Variants in PLD1 observed in about 807,000 individuals in gnomAD.
PLD1 encodes phospholipase D1, also known as choline phosphatase 1.
Under a neutral mutation model 137.1 loss-of-function variants are expected in PLD1, and 112 were observed. That is an observed-to-expected ratio of 0.82 (90% CI 0.70 to 0.96). PLD1 has a LOEUF of 0.96. Ranked by LOEUF, PLD1 falls within the 40% of genes least tolerant of loss-of-function variation. The probability of loss-of-function intolerance (pLI) is 0.00; values close to 1 mark genes in which losing one functional copy is unlikely to be tolerated. For missense variants in PLD1, 1,321 were observed against 1,342.0 expected (o/e 0.98, Z 0.24); for synonymous variants, 431 against 454.7 (o/e 0.95, Z 0.66).
At chr3:171,651,876 A>C (rs566102430) in intron 21 of PLD1, among the ~76,000 whole-genome samples, 1 of 152,278 alleles carries the variant, frequency 6.6e-6, no homozygotes, top group African/African-American at 2.4e-5. Flanking sequence ...GCACATGCTC[A>C]GGCTCAAAAT....
At chr3:171,691,784 G>A (rs1375075708) in intron 13 of PLD1, among the ~76,000 whole-genome samples, 3 of 152,102 alleles carry the variant, frequency 2.0e-5, no homozygotes, top group Admixed American at 6.5e-5. Flanking sequence ...CTGGAGGTTT[G>A]TTAATTCATT....
intron 1 of PLD1, among the ~76,000 whole-genome samples, chr3:171,744,907 G>A (rs1435544761): frequency 6.6e-6 from 1 of 152,214 alleles, no homozygotes; most frequent in Non-Finnish European, 1.5e-5. Flanking sequence ...TTCCAGAAAG[G>A]ACAACCTTGT....
At chr3:171,677,892 T>C (rs1713554227) in intron 16 of PLD1, 198 bp from the exon 17 acceptor site, 1 of 462,196 alleles carries the variant, frequency 2.2e-6, no homozygotes, top group African/African-American at 2.0e-5. Flanking sequence ...AGTGGGCAGT[T>C]AGGGCTACAA....
chr3:171,727,011 C>T lies in PLD1; in HGVS notation c.607-935G>A, dbSNP rs900188818. Among the ~76,000 whole-genome samples, 7 of 152,006 alleles carry T rather than the reference C, an allele frequency of 4.6e-5. No homozygotes were observed. In the South Asian group the frequency reaches 8.3e-4, roughly 18 times the overall value. On this transcript the variant is annotated intron_variant, in intron 6 of 26. Transcript: ENST00000351298. The stretch of plus-strand genomic sequence containing the variant: ...AAATAGCCATAGACGCATACATAAA[C>T]GAATAACTGTGGCTGTGTTCCAATA...
At position 171,674,552 on chromosome 3, in the gene PLD1, G is replaced by A. The variant is rs1051378236; in HGVS notation, c.2177C>T (p.Thr726Ile). 6.2e-7 allele frequency: 1 copy of A among 1,611,440 alleles called. No homozygotes were observed. The highest frequency in any genetic ancestry group is 8.5e-7 in the Non-Finnish European group (1 of 1,177,800). Reference sequence around the variant, plus strand: ...CACTTGATATCTCAACTCATGGGCTGTTGTTTGAGACTTTGGAAGCAGAAA... The same window carrying A: ...CACTTGATATCTCAACTCATGGGCTATTGTTTGAGACTTTGGAAGCAGAAA... ...YPFLLPKSQTTAHELRYQVPG... is the reference protein window; with the variant it reads ...YPFLLPKSQTIAHELRYQVPG... Residue 726 changes from threonine to isoleucine, a missense_variant, in exon 19 of 27, where the codon ACA becomes ATA. Transcript: ENST00000351298.
At chr3:171,754,679 A>G (rs1720890761) in intron 1 of PLD1, among the ~76,000 whole-genome samples, 1 of 152,256 alleles carries the variant, frequency 6.6e-6, no homozygotes, top group Non-Finnish European at 1.5e-5. Flanking sequence ...AAAGCTAGAA[A>G]AGGAAATAAT....
rs146060699 is a variant in PLD1 at position 171,737,911 on chromosome 3, G to A, written c.141C>T (p.Ser47=). Residue 47 remains serine (S), a synonymous_variant, in exon 2 of 27, where the codon AGC becomes AGT. Transcript: ENST00000351298. ...CTTTACCTTCTTGTATCTTGGGATC[G>A]CTGGGAGACACGTCGTAGTCTACCT... ...GEEVDYDVSP[S]DPKIQEVYIP... 20,864 of 1,613,394 alleles carry A rather than the reference G, an allele frequency of 0.013. 158 individuals are homozygous for A. Among genetic ancestry groups the A allele is most frequent in the Non-Finnish European group, 0.016 (18,316 of 1,179,780 alleles).
chr3:171,629,250 C>T (rs1196365387), intron 23 of PLD1, among the ~76,000 whole-genome samples: 1 of 152,124 alleles, frequency 6.6e-6, no homozygotes. Flanking sequence ...CATGAGTGAA[C>T]TCCCATTCAC....
chr3:171,694,761 GT>G (rs1424488344), intron 12 of PLD1, among the ~76,000 whole-genome samples: 2 of 152,070 alleles, frequency 1.3e-5, no homozygotes, highest in Non-Finnish European at 2.9e-5. Context: ...GAATCCTACA[GT>G]TTTCTACTCA....
intron 1 of PLD1, among the ~76,000 whole-genome samples, chr3:171,773,812 T>G (rs1399970238): frequency 6.6e-6 from 1 of 151,842 alleles, no homozygotes; most frequent in African/African-American, 2.4e-5. Flanking sequence ...GCAGTGGCGC[T>G]GTCTCGGCTC....
chr3:171,792,083 A>T (rs1723236534), intron 1 of PLD1: 4 of 153,182 alleles, frequency 2.6e-5, no homozygotes. Flanking sequence ...CCTCACAGGG[A>T]GGTGAGTCTC....
At chr3:171,667,302 G>C (rs1469688028) in intron 19 of PLD1, among the ~76,000 whole-genome samples, 1 of 152,198 alleles carries the variant, frequency 6.6e-6, no homozygotes, top group Non-Finnish European at 1.5e-5. Context: ...GGAGCATCAA[G>C]AAATTGACCT....
chr3:171,756,281 GA>G (rs1429012461), intron 1 of PLD1, among the ~76,000 whole-genome samples: 28 of 152,172 alleles, frequency 1.8e-4, no homozygotes, highest in African/African-American at 5.8e-4. Flanking sequence ...CCCCAAATAT[GA>G]TTTTGTAGGA....
At chr3:171,713,760 A>C in intron 9 of PLD1, 133 bp downstream of exon 9, 1 of 717,086 alleles carries the variant, frequency 1.4e-6, no homozygotes, top group Non-Finnish European at 2.3e-6. Context: ...TGGTTTCATT[A>C]CTATTGATTG....
intron 24 of PLD1, among the ~76,000 whole-genome samples, chr3:171,618,720 A>ATG (rs199668732): frequency 0.03 from 4,283 of 140,638 alleles, 99 homozygotes; most frequent in East Asian, 0.067. Context: ...AAAAGTGTGT[A>ATG]TGTGTGTGTG....
chr3:171,744,864 G>A (rs148582680), intron 1 of PLD1, among the ~76,000 whole-genome samples: 11 of 152,290 alleles, frequency 7.2e-5, no homozygotes, highest in Non-Finnish European at 1.5e-5. Context: ...TTATGCCATG[G>A]AGGCAATAAG....
chr3:171,699,200 T>A (rs73041813), intron 12 of PLD1, among the ~76,000 whole-genome samples: 4,357 of 152,210 alleles, frequency 0.029, 154 homozygotes, highest in African/African-American at 0.084. Context: ...AAAGCACACA[T>A]TCAATGTTCA....
intron 16 of PLD1, among the ~76,000 whole-genome samples, chr3:171,685,376 G>A (rs909065956): frequency 1.1e-4 from 16 of 152,164 alleles, no homozygotes; most frequent in Admixed American, 9.2e-4. Context: ...AACAGGACAT[G>A]AGAGCCCTGG....
intron 1 of PLD1, among the ~76,000 whole-genome samples, chr3:171,751,516 A>T (rs1294911492): frequency 6.6e-6 from 1 of 152,224 alleles, no homozygotes; most frequent in Non-Finnish European, 1.5e-5. Context: ...CCCATAGGAG[A>T]TCAATTCTAA....
Sources: allele counts gnomAD v4.1 joint callset (sites outside exome capture counted in the v4.1 genomes callset), GRCh38; gene constraint gnomAD v4.1.1; transcripts MANE v1.5; gene names NCBI Gene and HGNC (gene_info 2026-07-23, HGNC 2026-07-21).